PRKN: variants seen among roughly 807,000 people sequenced by gnomAD.
PRKN encodes the protein parkin RBR E3 ubiquitin protein ligase.
Under a neutral mutation model 59.5 loss-of-function variants are expected in PRKN, and 56 were observed. The ratio of observed to expected loss-of-function variants is 0.94; its 90% CI spans 0.76 to 1.18. PRKN has a LOEUF of 1.18. Ranked by LOEUF, PRKN falls within the 50% of genes most tolerant of loss-of-function variation. The pLI, the probability that PRKN is intolerant of heterozygous loss-of-function variation, is 0.00. For missense variants in PRKN, 657 were observed against 596.4 expected (o/e 1.10, Z -1.06); for synonymous variants, 250 against 222.1 (o/e 1.13, Z -1.12).
At chr6:161,408,880 C>A (rs889477767) in intron 9 of PRKN, among the ~76,000 whole-genome samples, 1 of 152,030 alleles carries the variant, frequency 6.6e-6, no homozygotes, top group African/African-American at 2.4e-5. Context: ...ATATGCTATC[C>A]CCCCAAGTAA....
intron 2 of PRKN, among the ~76,000 whole-genome samples, chr6:162,335,435 A>G (rs1346964733): frequency 6.6e-6 from 1 of 152,036 alleles, no homozygotes; most frequent in Non-Finnish European, 1.5e-5. Flanking sequence ...AAACCAAAAC[A>G]CTCATGGGTT....
In PRKN at chr6:161,630,088, T is replaced by C. The variant is rs190288886; in HGVS notation, c.872-60672A>G. Among the ~76,000 whole-genome samples the C allele has an allele frequency of 2.9e-4, 44 of 152,330 alleles. 1 individual carries two copies. In the East Asian group the frequency reaches 6.6e-3, roughly 23 times the overall value. ...CGGTATCATAATAACAGAAGCCTTTTCAATTTTCAATTTGATTGAATTTCA... is the reference window on the plus strand; with the variant it reads ...CGGTATCATAATAACAGAAGCCTTTCCAATTTTCAATTTGATTGAATTTCA... On this transcript the variant is annotated intron_variant, in intron 7 of 11. Transcript: ENST00000366898.
At chr6:162,650,320 G>A (rs1322450735) in intron 1 of PRKN, among the ~76,000 whole-genome samples, 3 of 152,244 alleles carry the variant, frequency 2.0e-5, no homozygotes, top group South Asian at 4.1e-4. Context: ...TCTGCCGGCC[G>A]GGCGCGGTGG....
chr6:161,540,072 G>A (rs1779564085), intron 9 of PRKN, among the ~76,000 whole-genome samples: 1 of 152,160 alleles, frequency 6.6e-6, no homozygotes, highest in Non-Finnish European at 1.5e-5. Context: ...CTGCCTGTCT[G>A]GTGGGGGGCC....
Position 161,579,000 on chromosome 6 carries a change from C to T in PRKN, c.872-9584G>A, listed in dbSNP as rs1033014248. 6.6e-6 allele frequency among the ~76,000 whole-genome samples: 1 copy of T among 152,288 alleles called. No individual in the cohort carries two copies. The highest frequency in any genetic ancestry group is 2.4e-5 in the African/African-American group (1 of 41,558). ...TCAACATCCAGCATCCCTCAGATCA[C>T]AAATTTAATTTGGCTGGTCAACACA... is the stretch of plus-strand genomic sequence containing the variant. On this transcript the variant is annotated intron_variant, in intron 7 of 11. Transcript: ENST00000366898. This position sits in a 1 kb window ranked among gnomAD's most constrained non-coding sequence, Gnocchi z 4.2.
At chr6:162,696,717 TA>T (rs893137719) in intron 1 of PRKN, among the ~76,000 whole-genome samples, 88 of 151,758 alleles carry the variant, frequency 5.8e-4, no homozygotes, top group African/African-American at 2.1e-3. Context: ...CTAATTTTTT[TA>T]AATCTTTTGT....
In PRKN at chr6:162,418,293, C is replaced by T. The variant is rs1465471344; in HGVS notation, c.171+25017G>A. ...GTGTAATTCCATTTATATGAAATGT[C>T]CACAATAGACAAATCCACAGAAAGT... On this transcript the variant is annotated intron_variant, in intron 2 of 11. Coordinates refer to ENST00000366898, the MANE Select transcript of PRKN (RefSeq NM_004562.3). 2.6e-5 allele frequency among the ~76,000 whole-genome samples: 4 copies of T among 152,012 alleles called. No homozygotes were observed. In the East Asian group the frequency reaches 7.7e-4, roughly 29 times the overall value.
intron 7 of PRKN, among the ~76,000 whole-genome samples, chr6:161,686,497 C>A (rs191315017): frequency 0.01 from 1,539 of 152,278 alleles, 17 homozygotes; most frequent in Middle Eastern, 0.041. Context: ...ATATTAAAAA[C>A]CATAAATCAC....
At chr6:161,507,734 C>A (rs533469490) in intron 9 of PRKN, among the ~76,000 whole-genome samples, 4 of 152,248 alleles carry the variant, frequency 2.6e-5, no homozygotes, top group African/African-American at 9.6e-5. Context: ...AATTTAATCC[C>A]ATTTTAGGTG....
chr6:161,659,079 G>T (rs530169273), intron 7 of PRKN, among the ~76,000 whole-genome samples: 26 of 152,282 alleles, frequency 1.7e-4, no homozygotes, highest in Middle Eastern at 3.4e-3. Flanking sequence ...CATTGTCCTT[G>T]ACTGTGACTG....
chr6:162,344,637 C>T (rs968061956), intron 2 of PRKN, among the ~76,000 whole-genome samples: 7 of 151,926 alleles, frequency 4.6e-5, no homozygotes, highest in South Asian at 4.2e-4. Flanking sequence ...CCCTGCCCAC[C>T]GAGATACTCA....
chr6:161,979,805 G>A (rs1781193424), intron 5 of PRKN, among the ~76,000 whole-genome samples: 2 of 152,112 alleles, frequency 1.3e-5, no homozygotes, highest in African/African-American at 4.8e-5. Context: ...GAGAAGAGCA[G>A]GAAGATGTCA....
intron 5 of PRKN, among the ~76,000 whole-genome samples, chr6:162,031,339 T>C (rs893291193): frequency 6.6e-6 from 1 of 152,112 alleles, no homozygotes; most frequent in Non-Finnish European, 1.5e-5. Context: ...CATCTGCTGC[T>C]GTGGGTATGG....
At chr6:162,352,825 T>C (rs369954336) in intron 2 of PRKN, among the ~76,000 whole-genome samples, 1 of 152,298 alleles carries the variant, frequency 6.6e-6, no homozygotes, top group East Asian at 1.9e-4. Context: ...CTAGATTTGA[T>C]TACACATCTT....
At position 161,396,094 on chromosome 6, in the gene PRKN, T is replaced by C. The variant is rs1786746045; in HGVS notation, c.1084-9217A>G. On this transcript the variant is annotated intron_variant, in intron 9 of 11. Transcript: ENST00000366898. This position sits in a 1 kb window ranked among gnomAD's most constrained non-coding sequence, Gnocchi z 5.4. The stretch of plus-strand genomic sequence containing the variant: ...CAGTCTGCCAGAGGACAGGGGAAGC[T>C]GGGGTGGGAGTGCTGTATGCTCTCG... Among the ~76,000 whole-genome samples, 1 of 152,182 alleles carries C rather than the reference T, an allele frequency of 6.6e-6. No homozygotes were observed. Among genetic ancestry groups the C allele is most frequent in the Non-Finnish European group, 1.5e-5 (1 of 68,024 alleles).
intron 2 of PRKN, among the ~76,000 whole-genome samples, chr6:162,305,516 T>A (rs538707372): frequency 2.0e-5 from 3 of 152,198 alleles, no homozygotes; most frequent in Non-Finnish European, 4.4e-5. Context: ...TGAACGAGCT[T>A]CGCTCTTATT....
At chr6:162,277,191 C>T (rs994190460) in intron 2 of PRKN, among the ~76,000 whole-genome samples, 4 of 152,110 alleles carry the variant, frequency 2.6e-5, no homozygotes, top group South Asian at 2.1e-4. Context: ...TGGTGGGAAT[C>T]GGGATTTTGG....
intron 2 of PRKN, among the ~76,000 whole-genome samples, chr6:162,309,872 C>T (rs920574031): frequency 2.0e-5 from 3 of 152,090 alleles, no homozygotes; most frequent in Non-Finnish European, 4.4e-5. Flanking sequence ...TCATCCTCTG[C>T]CTTCCAGAAG....
intron 2 of PRKN, among the ~76,000 whole-genome samples, chr6:162,438,776 G>T (rs1177631528): frequency 6.6e-6 from 1 of 152,090 alleles, no homozygotes; most frequent in Non-Finnish European, 1.5e-5. Flanking sequence ...GTTTCTTTGG[G>T]TTTTTCCTGT....
Sources: allele counts gnomAD v4.1 joint callset (sites outside exome capture counted in the v4.1 genomes callset), GRCh38; gene constraint gnomAD v4.1.1; non-coding constraint Gnocchi (gnomAD v3.1); transcripts MANE v1.5; gene names NCBI Gene and HGNC (gene_info 2026-07-23, HGNC 2026-07-21).